The following RNF121 variants were observed in gnomAD, a reference collection of about 807,000 sequenced individuals.
RNF121 encodes E3 ubiquitin ligase RNF121.
Under a neutral mutation model 46.5 loss-of-function variants are expected in RNF121, and 21 were observed. The observed-to-expected ratio is 0.45, with a 90% CI of 0.32 to 0.65. The LOEUF (loss-of-function observed/expected upper bound fraction) is 0.65. Ranked by LOEUF, RNF121 falls within the 30% of genes least tolerant of loss-of-function variation. The pLI, the probability that RNF121 is intolerant of heterozygous loss-of-function variation, is 0.04. For missense variants in RNF121, 346 were observed against 416.0 expected, an observed-to-expected ratio of 0.83 and a Z score of 1.46; for synonymous variants, 139 against 144.7, an observed-to-expected ratio of 0.96 and a Z score of 0.28.
At chr11:71,963,512 C>T (rs559886475) in intron 3 of RNF121, among the ~76,000 whole-genome samples, 3 of 152,102 alleles carry the variant, frequency 2.0e-5, no homozygotes, top group African/African-American at 7.2e-5. Flanking sequence ...CCCAGCTACT[C>T]GGAAGGCTGA....
chr11:71,936,445 A>G (rs1469092108), intron 1 of RNF121, among the ~76,000 whole-genome samples: 2 of 151,710 alleles, frequency 1.3e-5, no homozygotes. Flanking sequence ...GCTGGAGCGC[A>G]GTGGCACGAT....
chr11:71,992,280 G>C (rs959782176), intron 6 of RNF121, among the ~76,000 whole-genome samples: 1 of 152,128 alleles, frequency 6.6e-6, no homozygotes, highest in Non-Finnish European at 1.5e-5. Context: ...ACCCACAGCC[G>C]CTACAACAAC....
intron 2 of RNF121, among the ~76,000 whole-genome samples, chr11:71,958,583 A>T (rs899455591): frequency 6.6e-6 from 1 of 152,052 alleles, no homozygotes; most frequent in East Asian, 1.9e-4. Flanking sequence ...GTACCTGCCC[A>T]GGTGTGGTAG....
chr11:71,986,895 C>A, intron 4 of RNF121, 109 bp from the exon 5 acceptor site: 1 of 704,632 alleles, frequency 1.4e-6, no homozygotes, highest in Non-Finnish European at 2.6e-6. Flanking sequence ...AAGTCCTGAG[C>A]AAAGACCCTG....
chr11:71,983,399 T>C (rs930830174), intron 4 of RNF121, among the ~76,000 whole-genome samples: 5 of 152,246 alleles, frequency 3.3e-5, no homozygotes, highest in African/African-American at 1.2e-4. Flanking sequence ...ATTCAGGCCC[T>C]GCCATGGGGC....
intron 1 of RNF121, among the ~76,000 whole-genome samples, chr11:71,949,978 G>A (rs1183496743): frequency 6.6e-6 from 1 of 152,032 alleles, no homozygotes; most frequent in African/African-American, 2.4e-5. Context: ...TCCAGTCTGG[G>A]CGACAGAGCA....
chr11:71,994,493 C>T (rs1954932726), intron 6 of RNF121, among the ~76,000 whole-genome samples: 1 of 152,056 alleles, frequency 6.6e-6, no homozygotes. Flanking sequence ...CCAACTGTCT[C>T]TAGTCTGGTC....
At chr11:71,957,374 A>C in intron 2 of RNF121, 110 bp downstream of exon 2, 7 of 786,686 alleles carry the variant, frequency 8.9e-6, no homozygotes, top group Non-Finnish European at 1.6e-5. Flanking sequence ...GCAGTGGCTC[A>C]TGACCGGTAG....
At chr11:71,932,478 G>T (rs987723817) in intron 1 of RNF121, among the ~76,000 whole-genome samples, 1 of 152,172 alleles carries the variant, frequency 6.6e-6, no homozygotes, top group Non-Finnish European at 1.5e-5. Flanking sequence ...TGCTCTAGGG[G>T]GTGGGAACTT....
intron 4 of RNF121, among the ~76,000 whole-genome samples, chr11:71,984,719 C>T (rs970709478): frequency 1.3e-5 from 2 of 148,438 alleles, no homozygotes; most frequent in African/African-American, 2.5e-5. Context: ...GCTGGGACTA[C>T]AGGTGTGTGC....
intron 1 of RNF121, among the ~76,000 whole-genome samples, chr11:71,953,722 C>A (rs1452874347): frequency 1.3e-5 from 2 of 152,060 alleles, no homozygotes; most frequent in Non-Finnish European, 2.9e-5. Flanking sequence ...TGCAGTAAGG[C>A]AGAATGTGGT....
rs573528029 is a variant in RNF121 at position 71,962,434 on chromosome 11, A to G, written c.243+1543A>G. On this transcript the variant is annotated intron_variant, in intron 3 of 8. Transcript: ENST00000361756. ...GCTCTGCTTGATATGAAGGTTGGGTAACCCTAACACCTCTGCTTCCCCCTC... is the reference window on the plus strand; with the variant it reads ...GCTCTGCTTGATATGAAGGTTGGGTGACCCTAACACCTCTGCTTCCCCCTC... The G allele has an allele frequency of 1.5e-5, 4 of 266,516 alleles. No homozygotes were observed. In the East Asian group the frequency reaches 7.1e-4, roughly 47 times the overall value. The allele number at this position is 266,516 out of a possible 1,614,324, so 16.5% of individuals were successfully genotyped here.
chr11:71,936,024 T>G (rs1953398425), intron 1 of RNF121, among the ~76,000 whole-genome samples: 1 of 151,598 alleles, frequency 6.6e-6, no homozygotes, highest in Admixed American at 6.6e-5. Flanking sequence ...CTTTTTTGTA[T>G]TTTTAGTAGA....
At chr11:71,936,822 T>C (rs971587556) in intron 1 of RNF121, among the ~76,000 whole-genome samples, 3 of 21,232 alleles carry the variant, frequency 1.4e-4, no homozygotes, top group African/African-American at 2.8e-4. Flanking sequence ...AGGAATATTT[T>C]AATGCTTTAA....
At chr11:71,936,160 C>T (rs773510541) in intron 1 of RNF121, among the ~76,000 whole-genome samples, 2 of 151,924 alleles carry the variant, frequency 1.3e-5, no homozygotes, top group Non-Finnish European at 2.9e-5. Flanking sequence ...TGCGCCTGGC[C>T]TATAATTATT....
At chr11:71,952,714 C>T (rs1040316722) in intron 1 of RNF121, among the ~76,000 whole-genome samples, 9 of 151,880 alleles carry the variant, frequency 5.9e-5, no homozygotes, top group African/African-American at 1.7e-4. Context: ...GAGGCTGAGG[C>T]GAGGGAATCA....
chr11:71,933,985 A>T (rs961082003), intron 1 of RNF121, among the ~76,000 whole-genome samples: 3 of 152,186 alleles, frequency 2.0e-5, no homozygotes, highest in Non-Finnish European at 4.4e-5. Context: ...TTCTGGCTCT[A>T]GCACTCTATG....
intron 1 of RNF121, among the ~76,000 whole-genome samples, chr11:71,953,628 A>G (rs1953930708): frequency 6.6e-6 from 1 of 152,210 alleles, no homozygotes; most frequent in Admixed American, 6.5e-5. Context: ...CACACTTAGC[A>G]AGGCAGTAGA....
chr11:71,980,577 C>T (rs1954630353), intron 3 of RNF121, among the ~76,000 whole-genome samples: 1 of 152,096 alleles, frequency 6.6e-6, no homozygotes, highest in Non-Finnish European at 1.5e-5. Context: ...AAACTCCTGA[C>T]CTAAGGTGAT....
Sources: gnomAD v4.1 joint callset for allele counts (sites outside exome capture counted in the v4.1 genomes callset) on GRCh38, gnomAD v4.1.1 for gene constraint, MANE v1.5 for transcripts, NCBI Gene and HGNC (gene_info 2026-07-23, HGNC 2026-07-21) for gene names.